The following PAPSS1 variants were observed in gnomAD, a reference collection of about 807,000 sequenced individuals.
PAPSS1 encodes the protein 3'-phosphoadenosine 5'-phosphosulfate synthase 1.
A neutral mutation model predicts 72.0 loss-of-function variants in PAPSS1; 50 were observed. The observed-to-expected ratio is 0.69, with a 90% CI of 0.55 to 0.88. The LOEUF (loss-of-function observed/expected upper bound fraction) is 0.88. PAPSS1 is among the 40% of genes least tolerant of loss of function. The pLI is 0.00. For missense variants in PAPSS1, 657 were observed against 782.2 expected, an observed-to-expected ratio of 0.84 and a Z score of 1.91; for synonymous variants, 261 against 263.6, an observed-to-expected ratio of 0.99 and a Z score of 0.09.
Position 107,614,211 on chromosome 4 carries a change from T to C in PAPSS1, c.*38A>G, listed in dbSNP as rs200641252. ...AGACTATGTGGTCCCCTCTTGTTACTAGTAATGTGTCAAAGGTGGAGTGAC... is the reference window on the plus strand; with the variant it reads ...AGACTATGTGGTCCCCTCTTGTTACCAGTAATGTGTCAAAGGTGGAGTGAC... On this transcript the variant is annotated 3_prime_UTR_variant, in exon 12 of 12. Transcript: ENST00000265174. 409 of 1,593,756 alleles carry C rather than the reference T, an allele frequency of 2.6e-4. No homozygotes were observed. Among genetic ancestry groups the C allele is most frequent in the Non-Finnish European group, 3.2e-4 (378 of 1,165,856 alleles).
rs572903053 is a variant in PAPSS1 at position 107,637,326 on chromosome 4, A to T, written c.1507-5466T>A. Among the ~76,000 whole-genome samples the T allele has an allele frequency of 3.9e-5, 6 of 152,324 alleles. No individual in the cohort carries two copies. The South Asian group carries it at 1.2e-3, about 32-fold the overall frequency. ...GTCTATCACTTATCTCCCCACTTCC[A>T]AACCTGGCAAAGACTTCGGTAAATT... On this transcript the variant is annotated intron_variant, in intron 10 of 11. Transcript: ENST00000265174.
chr4:107,650,672 A>T (rs1726814848), intron 9 of PAPSS1, among the ~76,000 whole-genome samples: 1 of 152,216 alleles, frequency 6.6e-6, no homozygotes, highest in Non-Finnish European at 1.5e-5. Flanking sequence ...CCCAACTAAA[A>T]GTATCTTAAA....
chr4:107,688,573 A>G (rs976992395), intron 3 of PAPSS1, among the ~76,000 whole-genome samples: 1 of 152,112 alleles, frequency 6.6e-6, no homozygotes, highest in Non-Finnish European at 1.5e-5. Flanking sequence ...TGCTATGCCT[A>G]TGGATGCCTA....
chr4:107,642,699 C>T (rs1447159938), intron 10 of PAPSS1, among the ~76,000 whole-genome samples: 1 of 152,140 alleles, frequency 6.6e-6, no homozygotes, highest in Admixed American at 6.5e-5. Context: ...GAAACTGGTT[C>T]AATGAGGAGA....
intron 5 of PAPSS1, among the ~76,000 whole-genome samples, chr4:107,660,737 C>T (rs116580322): frequency 1.5e-3 from 235 of 152,280 alleles, no homozygotes; most frequent in Non-Finnish European, 2.7e-3. Context: ...GGCTTGTTCA[C>T]AACACTTGAC....
chr4:107,696,702 C>G (rs993984876), intron 2 of PAPSS1, among the ~76,000 whole-genome samples: 1 of 151,952 alleles, frequency 6.6e-6, no homozygotes, highest in Non-Finnish European at 1.5e-5. Flanking sequence ...ATGTAACAAA[C>G]TGCACGTTCT....
intron 5 of PAPSS1, among the ~76,000 whole-genome samples, chr4:107,666,896 C>T (rs751681190): frequency 1.1e-4 from 16 of 152,080 alleles, no homozygotes; most frequent in Non-Finnish European, 2.2e-4. Context: ...GGTCTTTGTC[C>T]TCAGTTCTTG....
At chr4:107,697,179 A>G (rs1359433532) in intron 2 of PAPSS1, among the ~76,000 whole-genome samples, 1 of 152,224 alleles carries the variant, frequency 6.6e-6, no homozygotes, top group African/African-American at 2.4e-5. Flanking sequence ...GCATCTGAGT[A>G]AGTCATCTTG....
chr4:107,719,719 C>T (rs2074370), intron 1 of PAPSS1: 242,544 of 818,810 alleles, frequency 0.3, 38,424 homozygotes, highest in East Asian at 0.46. Flanking sequence ...TCCGCCTTCT[C>T]TGCACATCTT....
chr4:107,714,902 T>C (rs1048731841), intron 1 of PAPSS1, among the ~76,000 whole-genome samples: 183 of 152,266 alleles, frequency 1.2e-3, no homozygotes, highest in African/African-American at 4.3e-3. Context: ...CTGCTGGACA[T>C]GCTACCAGAA....
chr4:107,638,425 T>C (rs1726444711), intron 10 of PAPSS1, among the ~76,000 whole-genome samples: 1 of 152,188 alleles, frequency 6.6e-6, no homozygotes, highest in Non-Finnish European at 1.5e-5. Flanking sequence ...CAAAAAGATA[T>C]ACCTCAAATG....
chr4:107,621,608 C>CTTTTTTTATTTTTTTTTTTT (rs1725956643), intron 11 of PAPSS1, among the ~76,000 whole-genome samples: 1 of 48,148 alleles, frequency 2.1e-5, no homozygotes, highest in Non-Finnish European at 3.9e-5. Flanking sequence ...GGTTTTTTAT[C>CTTTTTTTATTTTTTTTTTTT]TTTTTTTTTT....
chr4:107,640,951 C>G lies in PAPSS1; in HGVS notation c.1506+3851G>C, dbSNP rs113775374. On this transcript the variant is annotated intron_variant, in intron 10 of 11. Coordinates refer to ENST00000265174, the MANE Select transcript of PAPSS1 (RefSeq NM_005443.5). ...TGCAGGCACCCAGAACAACTAACTT[C>G]TTGGCCTTCCCTCCAAATGCCAAAG... 6.0e-3 allele frequency among the ~76,000 whole-genome samples: 919 copies of G among 152,276 alleles called. 9 individuals are homozygous for G. Among genetic ancestry groups the G allele is most frequent in the African/African-American group, 0.02 (812 of 41,548 alleles).
chr4:107,687,016 A>C, intron 4 of PAPSS1, 23 bp downstream of exon 4: 2 of 1,590,216 alleles, frequency 1.3e-6, no homozygotes, highest in South Asian at 2.3e-5. Context: ...GCAAAGTGAA[A>C]CTGGGAAGAA....
intron 11 of PAPSS1, among the ~76,000 whole-genome samples, chr4:107,623,562 G>C (rs75474869): frequency 0.033 from 5,030 of 152,252 alleles, 285 homozygotes; most frequent in African/African-American, 0.12. Flanking sequence ...AGAGCTTTCA[G>C]CTTTCGAGCT....
intron 10 of PAPSS1, among the ~76,000 whole-genome samples, chr4:107,644,080 C>T (rs769872364): frequency 6.6e-6 from 1 of 152,152 alleles, no homozygotes; most frequent in African/African-American, 2.4e-5. Flanking sequence ...TCCTCGACAA[C>T]CGTCTTGTAT....
At chr4:107,672,267 G>A (rs1399347973) in intron 5 of PAPSS1, among the ~76,000 whole-genome samples, 1 of 152,202 alleles carries the variant, frequency 6.6e-6, no homozygotes, top group African/African-American at 2.4e-5. Context: ...GCAGGGCGAG[G>A]CATCGCCTCA....
chr4:107,720,161 G>T lies in PAPSS1; in HGVS notation c.19C>A (p.Leu7Met). 6.2e-7 allele frequency: 1 copy of T among 1,604,644 alleles called. No individual in the cohort carries two copies. The highest frequency in any genetic ancestry group is 8.5e-7 in the Non-Finnish European group (1 of 1,176,138). ...TTGCTCAGTTTGACTTTCTTGCACA[G>T]GCTCCCGGGGATCTCCATGACCGCG... is the stretch of plus-strand genomic sequence containing the variant. MEIPGS[L>M]CKKVKLSNNA... The change falls in exon 1 of 12, where the codon CTG (leucine) becomes ATG (methionine). Residue 7 changes from leucine to methionine, a missense_variant. Coordinates refer to ENST00000265174, the MANE Select transcript of PAPSS1 (RefSeq NM_005443.5).
chr4:107,658,306 A>G (rs1277553745), intron 6 of PAPSS1, among the ~76,000 whole-genome samples: 2 of 150,442 alleles, frequency 1.3e-5, no homozygotes, highest in East Asian at 2.0e-4. Flanking sequence ...AAAAAAAAAA[A>G]GGGAAGCCAC....
Sources: gnomAD v4.1 joint callset for allele counts (sites outside exome capture counted in the v4.1 genomes callset) on GRCh38, gnomAD v4.1.1 for gene constraint, MANE v1.5 for transcripts, NCBI Gene and HGNC (gene_info 2026-07-23, HGNC 2026-07-21) for gene names.